ECE1: variants seen among roughly 807,000 people sequenced by gnomAD.
ECE1 encodes the protein endothelin-converting enzyme 1.
In ECE1, 35 loss-of-function variants were observed where a neutral mutation model predicts 98.6. The ratio of observed to expected loss-of-function variants is 0.35; its 90% CI spans 0.27 to 0.47. ECE1 has a LOEUF of 0.47. Ranked by LOEUF, ECE1 falls within the 20% of genes least tolerant of loss-of-function variation. The probability of loss-of-function intolerance (pLI) is 1.00; values close to 1 mark genes in which losing one functional copy is unlikely to be tolerated. For missense variants in ECE1, 814 were observed against 1,025.3 expected (o/e 0.79, Z 2.81); for synonymous variants, 394 against 407.1 (o/e 0.97, Z 0.39).
At chr1:21,246,179 T>A (rs2098203244) in intron 9 of ECE1, among the ~76,000 whole-genome samples, 1 of 152,132 alleles carries the variant, frequency 6.6e-6, no homozygotes, top group African/African-American at 2.4e-5. Flanking sequence ...CCCTATTTTT[T>A]TGGTAGTTTT....
Position 21,220,096 on chromosome 1 carries a change from G to A in ECE1, c.2172C>T (p.His724=), listed in dbSNP as rs762186082. The change falls in exon 19 of 19, where the codon CAC becomes CAT. Residue 724 remains histidine, a synonymous_variant. Coordinates refer to ENST00000374893, the MANE Select transcript of ECE1 (RefSeq NM_001397.3). This position sits in a 1 kb window ranked among gnomAD's most constrained non-coding sequence, Gnocchi z 5.0. ...TGTGGGGATCGGTGATGAGGCCTTC[G>A]TGGGAGCTCTCAGGTGTGCGGACGG... ...WCSVRTPESS[H]EGLITDPHSP... is the part of the protein sequence containing the mutation. The A allele has an allele frequency of 2.5e-5, 40 of 1,613,876 alleles. No homozygotes were observed. Among genetic ancestry groups the A allele is most frequent in the Non-Finnish European group, 3.2e-5 (38 of 1,179,900 alleles).
At chr1:21,248,363 G>A (rs1323144297) in intron 8 of ECE1, among the ~76,000 whole-genome samples, 1 of 152,154 alleles carries the variant, frequency 6.6e-6, no homozygotes, top group African/African-American at 2.4e-5. Context: ...TAGTAGAGAT[G>A]GGGTTTTGCC....
intron 3 of ECE1, among the ~76,000 whole-genome samples, chr1:21,278,102 G>C (rs1458255146): frequency 6.6e-6 from 1 of 152,202 alleles, no homozygotes; most frequent in Non-Finnish European, 1.5e-5. Context: ...GAGCGACCGA[G>C]TCAGTGGGTG....
At chr1:21,247,191 C>T (rs1045989655) in intron 9 of ECE1, 30 bp downstream of exon 9, 6 of 1,613,882 alleles carry the variant, frequency 3.7e-6, no homozygotes, top group African/African-American at 1.3e-5. Flanking sequence ...CTGTGAGAGG[C>T]GTGCCCCAGG....
Position 21,238,071 on chromosome 1 carries a change from C to T in ECE1, c.1389+63G>A, listed in dbSNP as rs902411778. On this transcript the variant is annotated intron_variant, in intron 11 of 18. Coordinates refer to ENST00000374893, the MANE Select transcript of ECE1 (RefSeq NM_001397.3). The stretch of plus-strand genomic sequence containing the variant: ...CAGGGTGGGCTGGAGTGTGAACTGG[C>T]AGGTCTGTGCAGGCCACAACAAGTG... 12 of 1,476,296 alleles carry T rather than the reference C, an allele frequency of 8.1e-6. No homozygotes were observed. The African/African-American group carries it at 1.4e-4, about 17-fold the overall frequency. 91.4% of individuals were successfully genotyped at this position (1,476,296 alleles called of 1,614,324 possible).
intron 8 of ECE1, among the ~76,000 whole-genome samples, chr1:21,249,520 A>G (rs1431690239): frequency 7.3e-6 from 1 of 137,786 alleles, no homozygotes; most frequent in Non-Finnish European, 1.6e-5. Flanking sequence ...ACATGGTGAC[A>G]CCCCATCTTT....
intron 1 of ECE1, among the ~76,000 whole-genome samples, chr1:21,297,371 T>G (rs1466617218): frequency 6.6e-6 from 1 of 152,034 alleles, no homozygotes; most frequent in African/African-American, 2.4e-5. Context: ...CCTGGCAACC[T>G]CCATCAATCA....
In ECE1 at chr1:21,258,589, T is replaced by TGCCCCCC; in HGVS notation, c.762+103_762+104insGGGGGGC. The TGCCCCCC allele has an allele frequency of 8.3e-7, 1 of 1,203,840 alleles. No individual in the cohort carries two copies. The highest frequency in any genetic ancestry group is 1.2e-6 in the Non-Finnish European group (1 of 825,914). 74.6% of individuals were successfully genotyped at this position (1,203,840 alleles called of 1,614,324 possible). A position where few individuals can be genotyped will look rare whatever the true frequency, so the allele number is the denominator to read the frequency against. ...AGGCTCAGAAACTAGAAGACCGCCGTCCCACCCAGGGCAAGCCCCTCTCCC... is the reference window on the plus strand; with the variant it reads ...AGGCTCAGAAACTAGAAGACCGCCGTGCCCCCCCCCACCCAGGGCAAGCCCCTCTCCC... On this transcript the variant is annotated intron_variant, in intron 6 of 18. Transcript: ENST00000374893. This position sits in a 1 kb window ranked among gnomAD's most constrained non-coding sequence, Gnocchi z 4.2.
intron 17 of ECE1, among the ~76,000 whole-genome samples, chr1:21,223,940 A>G (rs912381733): frequency 1.3e-5 from 2 of 152,090 alleles, no homozygotes; most frequent in Admixed American, 1.3e-4. Flanking sequence ...TCATTCCTCT[A>G]TTTTAAAACC....
rs540646266 is a variant in ECE1 at position 21,246,115 on chromosome 1, CAAGT to C, written c.1164-1016_1164-1013del. On this transcript the variant is annotated intron_variant, in intron 9 of 18. Coordinates refer to ENST00000374893, the MANE Select transcript of ECE1 (RefSeq NM_001397.3). ...CCCCATCTCATTAAAAAAATTTTAACAAGTAAGTTTGGGGAGTTAGGAAAAAAAT... is the reference window on the plus strand; with the variant it reads ...CCCCATCTCATTAAAAAAATTTTAACAAGTTTGGGGAGTTAGGAAAAAAAT... 1.6e-3 allele frequency among the ~76,000 whole-genome samples: 240 copies of C among 152,054 alleles called. 3 individuals carry two copies. Among genetic ancestry groups the C allele is most frequent in the African/African-American group, 5.5e-3 (226 of 41,454 alleles).
At chr1:21,241,877 G>A (rs1310346552) in intron 10 of ECE1, among the ~76,000 whole-genome samples, 1 of 152,236 alleles carries the variant, frequency 6.6e-6, no homozygotes, top group East Asian at 1.9e-4. Flanking sequence ...TGACCGGTCA[G>A]GAAGCCTGCA....
chr1:21,296,313 A>G (rs1309096559), intron 1 of ECE1, among the ~76,000 whole-genome samples: 1 of 152,060 alleles, frequency 6.6e-6, no homozygotes, highest in Non-Finnish European at 1.5e-5. Flanking sequence ...GTTTGCGACC[A>G]ACCTGGGTAA....
At position 21,227,209 on chromosome 1, in the gene ECE1, C is replaced by A; in HGVS notation, c.1799G>T (p.Gly600Val). Reference sequence around the variant, plus strand: ...CTCATGGCCCACGACGACACCTATGCCACCAAAGTTTAAGGCCCTGGAGGG... The same window carrying A: ...CTCATGGCCCACGACGACACCTATGACACCAAAGTTTAAGGCCCTGGAGGG... Reference protein sequence around the residue: ...RSSPKALNFGGIGVVVGHELT... With the variant: ...RSSPKALNFGVIGVVVGHELT... The change falls in exon 16 of 19, where the codon GGC (glycine) becomes GTC (valine). Residue 600 changes from glycine (G) to valine (V), a missense_variant. Around this residue, in one of 3 missense-constraint regions of ECE1, gnomAD observed 452 missense variants for 567.3 expected, o/e 0.80. Coordinates refer to ENST00000374893, the MANE Select transcript of ECE1 (RefSeq NM_001397.3). 1 of 1,614,126 alleles carries A rather than the reference C, an allele frequency of 6.2e-7. No homozygotes were observed. The highest frequency in any genetic ancestry group is 8.5e-7 in the Non-Finnish European group (1 of 1,179,976).
intron 1 of ECE1, among the ~76,000 whole-genome samples, chr1:21,339,499 G>C (rs1372127588): frequency 6.6e-6 from 1 of 152,166 alleles, no homozygotes. Flanking sequence ...TTGAGCCTCA[G>C]CTTTTACAAC....
chr1:21,238,034 G>A, intron 11 of ECE1, 100 bp downstream of exon 11: 1 of 1,080,034 alleles, frequency 9.3e-7, no homozygotes, highest in Non-Finnish European at 1.4e-6. Context: ...CTGCCCAGGA[G>A]CAGGAAAGGC....
At chr1:21,248,386 C>G (rs1039005556) in intron 8 of ECE1, among the ~76,000 whole-genome samples, 1 of 152,194 alleles carries the variant, frequency 6.6e-6, no homozygotes, top group African/African-American at 2.4e-5. Context: ...CTTGGCCAGG[C>G]TGGCCTTGAA....
intron 6 of ECE1, among the ~76,000 whole-genome samples, chr1:21,257,854 A>G (rs1046145836): frequency 5.9e-5 from 9 of 152,144 alleles, no homozygotes; most frequent in African/African-American, 2.2e-4. Flanking sequence ...TTAAACAGCT[A>G]CTTGCCTCGG....
intron 1 of ECE1, among the ~76,000 whole-genome samples, chr1:21,335,724 G>A (rs1259058262): frequency 2.0e-5 from 3 of 152,228 alleles, no homozygotes; most frequent in Non-Finnish European, 4.4e-5. Flanking sequence ...GGCCAGCTGA[G>A]CTCCTGCCTG....
Position 21,279,800 on chromosome 1 carries a change from T to A in ECE1, c.139-468A>T, listed in dbSNP as rs1010353856. 3 of 917,794 alleles carry A rather than the reference T, an allele frequency of 3.3e-6. No homozygotes were observed. In the South Asian group the frequency reaches 1.3e-4, roughly 39 times the overall value. The allele number at this position is 917,794 out of a possible 1,614,324, so 56.9% of individuals were successfully genotyped here. A position where few individuals can be genotyped will look rare whatever the true frequency, so the allele number is the denominator to read the frequency against. On this transcript the variant is annotated intron_variant, in intron 2 of 18. Transcript: ENST00000374893. ...CAGACATCCTTAGCTCATTAAACCC[T>A]CATAATCCCACGCAAAAACACGCGA...
Sources: gnomAD v4.1 joint callset for allele counts (sites outside exome capture counted in the v4.1 genomes callset) on GRCh38, gnomAD v4.1.1 for gene constraint, gnomAD v4.1.1 regional missense constraint, Gnocchi (gnomAD v3.1) non-coding constraint, MANE v1.5 for transcripts, NCBI Gene and HGNC (gene_info 2026-07-23, HGNC 2026-07-21) for gene names.